DAAM1: variants seen among roughly 807,000 people sequenced by gnomAD.
The protein encoded by DAAM1 is dishevelled associated activator of morphogenesis 1, also known as disheveled-associated activator of morphogenesis 1.
DAAM1 carries 52 observed loss-of-function variants against 130.0 expected under a neutral mutation model. That is an observed-to-expected ratio of 0.40 (90% confidence interval 0.32 to 0.50). The LOEUF (loss-of-function observed/expected upper bound fraction) is 0.50, where lower values mean the gene tolerates loss of function less well. Ranked by LOEUF, DAAM1 falls within the 20% of genes least tolerant of loss-of-function variation. The probability of loss-of-function intolerance (pLI) is 0.61; values close to 1 mark genes in which losing one functional copy is unlikely to be tolerated. For synonymous variants in DAAM1, 452 were observed against 444.5 expected (o/e 1.02, Z -0.21); for missense variants, 1,134 against 1,303.8 (o/e 0.87, Z 2.01).
rs567697913 is a variant in DAAM1, at chr14:59,302,268, G to C, written c.273+10962G>C. 1.3e-3 allele frequency among the ~76,000 whole-genome samples: 201 copies of C among 152,344 alleles called. 1 individual carries two copies. The highest frequency in any genetic ancestry group is 4.7e-3 in the African/African-American group (194 of 41,572). ...AACTGGGGAACACCGGGCTGGAAGAGAGTAGAAGAGAATGTCCTTGTGTTT... is the reference window on the plus strand; with the variant it reads ...AACTGGGGAACACCGGGCTGGAAGACAGTAGAAGAGAATGTCCTTGTGTTT... On this transcript the variant is annotated intron_variant, in intron 3 of 24. Coordinates refer to ENST00000360909, the MANE Select transcript of DAAM1 (RefSeq NM_001270520.2).
chr14:59,209,042 A>T (rs1263397951), intron 1 of DAAM1, among the ~76,000 whole-genome samples: 2 of 152,214 alleles, frequency 1.3e-5, no homozygotes, highest in African/African-American at 2.4e-5. Flanking sequence ...TTTATAAATT[A>T]TCCAGCCTCA....
At chr14:59,238,996 C>G (rs1383054560) in intron 1 of DAAM1, among the ~76,000 whole-genome samples, 6 of 152,166 alleles carry the variant, frequency 3.9e-5, no homozygotes, top group Non-Finnish European at 8.8e-5. Flanking sequence ...TGTCCCTGCT[C>G]TGCTGCTTAG....
At chr14:59,235,198 G>A (rs1889254038) in intron 1 of DAAM1, among the ~76,000 whole-genome samples, 1 of 152,086 alleles carries the variant, frequency 6.6e-6, no homozygotes, top group African/African-American at 2.4e-5. Context: ...GAGTTGTTTG[G>A]AATAGTTTCA....
At chr14:59,270,732 A>G (rs144415878) in intron 2 of DAAM1, among the ~76,000 whole-genome samples, 5 of 152,342 alleles carry the variant, frequency 3.3e-5, no homozygotes, top group African/African-American at 1.2e-4. Flanking sequence ...AGACTTCTGC[A>G]TACCCCAAGA....
chr14:59,208,164 T>C lies in DAAM1; in HGVS notation c.-38+19396T>C, dbSNP rs191333909. ...AAACTCTTAGATGACTGCATTTATT[T>C]TCATTTTATACATGGTACTGAGAAA... On this transcript the variant is annotated intron_variant, in intron 1 of 24. Coordinates refer to ENST00000360909, the MANE Select transcript of DAAM1 (RefSeq NM_001270520.2). Among the ~76,000 whole-genome samples, 8 of 152,334 alleles carry C rather than the reference T, an allele frequency of 5.3e-5. No homozygotes were observed. In the East Asian group the frequency reaches 1.5e-3, roughly 29 times the overall value.
At chr14:59,333,142 A>T (rs576204554) in intron 15 of DAAM1, among the ~76,000 whole-genome samples, 99 of 152,276 alleles carry the variant, frequency 6.5e-4, no homozygotes, top group Middle Eastern at 3.4e-3. Flanking sequence ...GGGGGGGAAA[A>T]GCCAATATTT....
intron 1 of DAAM1, among the ~76,000 whole-genome samples, chr14:59,215,366 C>A (rs1888544530): frequency 6.6e-6 from 1 of 152,218 alleles, no homozygotes; most frequent in East Asian, 1.9e-4. Flanking sequence ...TAGTTCCTTT[C>A]AAATGATTCT....
chr14:59,192,149 GGTGTGT>G (rs55791691), intron 1 of DAAM1, among the ~76,000 whole-genome samples: 27,100 of 138,514 alleles, frequency 0.2, 2,568 homozygotes, highest in Non-Finnish European at 0.21. Flanking sequence ...CTTGTTAAGG[GGTGTGT>G]GTGTGTGTGT....
In DAAM1 at chr14:59,338,630, A is replaced by G. The variant is rs534970847; in HGVS notation, c.1969-1444A>G. 8.5e-5 allele frequency among the ~76,000 whole-genome samples: 13 copies of G among 152,300 alleles called. No homozygotes were observed. In the South Asian group the frequency reaches 2.5e-3, roughly 29 times the overall value. On this transcript the variant is annotated intron_variant, in intron 15 of 24. Coordinates refer to ENST00000360909, the MANE Select transcript of DAAM1 (RefSeq NM_001270520.2). ...TGAGACAGTTGACATTTGATCACCTAGTGCCTCACAGTATAAATTCCATAT... is the reference window on the plus strand; with the variant it reads ...TGAGACAGTTGACATTTGATCACCTGGTGCCTCACAGTATAAATTCCATAT...
chr14:59,346,838 C>G (rs1372158033), intron 16 of DAAM1, among the ~76,000 whole-genome samples: 1 of 152,046 alleles, frequency 6.6e-6, no homozygotes, highest in Non-Finnish European at 1.5e-5. Flanking sequence ...TGATGGTAGA[C>G]AGAAAAAGAG....
At chr14:59,216,486 C>T (rs985493172) in intron 1 of DAAM1, among the ~76,000 whole-genome samples, 5 of 152,088 alleles carry the variant, frequency 3.3e-5, no homozygotes, top group Non-Finnish European at 5.9e-5. Flanking sequence ...TTTGGGAGGC[C>T]GAGGCAGGTG....
At chr14:59,242,975 T>A (rs1881196138) in intron 1 of DAAM1, among the ~76,000 whole-genome samples, 1 of 152,140 alleles carries the variant, frequency 6.6e-6, no homozygotes, top group African/African-American at 2.4e-5. Flanking sequence ...ATCCTTGAAG[T>A]TCAAAGCACT....
At chr14:59,192,574 GTT>G (rs770799838) in intron 1 of DAAM1, among the ~76,000 whole-genome samples, 30 of 152,104 alleles carry the variant, frequency 2.0e-4, no homozygotes, top group Non-Finnish European at 3.8e-4. Flanking sequence ...TAGCAAACTT[GTT>G]TTCTCTCTAG....
intron 16 of DAAM1, among the ~76,000 whole-genome samples, chr14:59,345,739 T>C (rs1232412530): frequency 6.6e-6 from 1 of 152,126 alleles, no homozygotes; most frequent in African/African-American, 2.4e-5. Context: ...TTACACACCT[T>C]TGTGTCTTGA....
At chr14:59,224,420 T>C (rs774207298) in intron 1 of DAAM1, among the ~76,000 whole-genome samples, 1 of 152,222 alleles carries the variant, frequency 6.6e-6, no homozygotes, top group Non-Finnish European at 1.5e-5. Flanking sequence ...GAATGCAGTA[T>C]TGCTTTGGAT....
chr14:59,238,990 C>T (rs750492576), intron 1 of DAAM1, among the ~76,000 whole-genome samples: 5 of 152,150 alleles, frequency 3.3e-5, no homozygotes, highest in Non-Finnish European at 5.9e-5. Context: ...TGAATTTGTC[C>T]CTGCTCTGCT....
At chr14:59,298,908 A>G (rs895615218) in intron 3 of DAAM1, among the ~76,000 whole-genome samples, 6 of 152,288 alleles carry the variant, frequency 3.9e-5, no homozygotes, top group Non-Finnish European at 8.8e-5. Flanking sequence ...CATTTTCATA[A>G]ATGTTGCTTC....
intron 2 of DAAM1, among the ~76,000 whole-genome samples, chr14:59,286,621 C>T (rs1414931630): frequency 6.6e-6 from 1 of 151,942 alleles, no homozygotes; most frequent in African/African-American, 2.4e-5. Context: ...CCCACGGAAA[C>T]AAACAAAAAA....
chr14:59,356,251 C>T (rs1253543599), intron 20 of DAAM1, among the ~76,000 whole-genome samples: 1 of 152,202 alleles, frequency 6.6e-6, no homozygotes, highest in Non-Finnish European at 1.5e-5. Context: ...CCTATATTTT[C>T]TATAGGGTTC....
Sources: gnomAD v4.1 joint callset for allele counts (sites outside exome capture counted in the v4.1 genomes callset) on GRCh38, gnomAD v4.1.1 for gene constraint, MANE v1.5 for transcripts, NCBI Gene and HGNC (gene_info 2026-07-23, HGNC 2026-07-21) for gene names.